Variants in TCF7L1 observed in about 807,000 individuals in gnomAD.
TCF7L1 encodes the protein transcription factor 7-like 1.
In TCF7L1, 18 loss-of-function variants were observed where a neutral mutation model predicts 63.7. The ratio of observed to expected loss-of-function variants is 0.28; its 90% CI spans 0.20 to 0.42. The LOEUF (loss-of-function observed/expected upper bound fraction) is 0.42. Ranked by LOEUF, TCF7L1 falls within the 10% of genes least tolerant of loss-of-function variation. The pLI is 1.00. For synonymous variants in TCF7L1, 355 were observed against 340.9 expected, an observed-to-expected ratio of 1.04 and a Z score of -0.46; for missense variants, 654 against 779.3, an observed-to-expected ratio of 0.84 and a Z score of 1.91.
At position 85,289,965 on chromosome 2, in the gene TCF7L1, C is replaced by T. The variant is rs979197651; in HGVS notation, c.525+6387C>T. On this transcript the variant is annotated intron_variant, in intron 4 of 11. Coordinates refer to ENST00000282111, the MANE Select transcript of TCF7L1 (RefSeq NM_031283.3). Reference sequence around the variant, plus strand: ...CTGGGATTACAGGCACGAGCCACCACGCCTAGCCCAGTTTTTTTTTTTTTT... The same window carrying T: ...CTGGGATTACAGGCACGAGCCACCATGCCTAGCCCAGTTTTTTTTTTTTTT... 2.6e-4 allele frequency among the ~76,000 whole-genome samples: 37 copies of T among 141,108 alleles called. No individual in the cohort carries two copies. In the East Asian group the frequency reaches 4.2e-3, roughly 16 times the overall value. The allele number at this position is 141,108 out of a possible 152,430, so 92.6% of individuals were successfully genotyped here.
At chr2:85,259,197 G>T (rs914922742) in intron 3 of TCF7L1, among the ~76,000 whole-genome samples, 4 of 152,208 alleles carry the variant, frequency 2.6e-5, no homozygotes, top group South Asian at 2.1e-4. Context: ...CGGCCGAGCC[G>T]CTGCAGACTG....
intron 3 of TCF7L1, among the ~76,000 whole-genome samples, chr2:85,184,297 A>G (rs948642679): frequency 5.9e-5 from 9 of 152,172 alleles, no homozygotes; most frequent in African/African-American, 2.2e-4. Context: ...GCAGATGGGC[A>G]GTGAGGCGGG....
intron 3 of TCF7L1, among the ~76,000 whole-genome samples, chr2:85,259,830 T>C (rs147851732): frequency 6.6e-6 from 1 of 152,062 alleles, no homozygotes; most frequent in African/African-American, 2.4e-5. Flanking sequence ...GGATGTTGAA[T>C]GAGGAAAGGA....
intron 3 of TCF7L1, among the ~76,000 whole-genome samples, chr2:85,135,051 T>C (rs1432014383): frequency 6.6e-6 from 1 of 152,152 alleles, no homozygotes; most frequent in Non-Finnish European, 1.5e-5. Context: ...CTTGGCTTTT[T>C]CCCCCTTTTG....
intron 3 of TCF7L1, among the ~76,000 whole-genome samples, chr2:85,181,549 C>T (rs923651215): frequency 6.6e-6 from 1 of 152,204 alleles, no homozygotes; most frequent in Non-Finnish European, 1.5e-5. Flanking sequence ...ACACAGGGAA[C>T]CCCAGGCAGC....
intron 3 of TCF7L1, among the ~76,000 whole-genome samples, chr2:85,184,268 G>A (rs1475815256): frequency 6.6e-6 from 1 of 152,172 alleles, no homozygotes. Flanking sequence ...GTGAGCAGGA[G>A]GAGAGGACGC....
chr2:85,138,504 T>A (rs1010512736), intron 3 of TCF7L1, among the ~76,000 whole-genome samples: 5 of 152,362 alleles, frequency 3.3e-5, no homozygotes, highest in Non-Finnish European at 7.3e-5. Flanking sequence ...CTGTTTCATT[T>A]TTTTTTCTAA....
intron 3 of TCF7L1, among the ~76,000 whole-genome samples, chr2:85,172,816 T>TA (rs2104238378): frequency 6.6e-6 from 1 of 152,162 alleles, no homozygotes; most frequent in East Asian, 1.9e-4. Flanking sequence ...CAGTGAGGCC[T>TA]CCCCTGACCA....
chr2:85,287,154 G>A (rs77686947), intron 4 of TCF7L1, among the ~76,000 whole-genome samples: 44 of 152,218 alleles, frequency 2.9e-4, no homozygotes, highest in African/African-American at 1.0e-3. Flanking sequence ...TAGCGCTTCA[G>A]TCACCATCGA....
intron 3 of TCF7L1, among the ~76,000 whole-genome samples, chr2:85,227,438 C>CT (rs562921251): frequency 0.059 from 8,356 of 141,556 alleles, 257 homozygotes; most frequent in Non-Finnish European, 0.082. Flanking sequence ...AATACCCCCT[C>CT]TTTTTTTTTT....
intron 3 of TCF7L1, among the ~76,000 whole-genome samples, chr2:85,165,617 G>C (rs1425847481): frequency 1.3e-5 from 2 of 152,216 alleles, no homozygotes; most frequent in Non-Finnish European, 2.9e-5. Flanking sequence ...TAAAGCTGGG[G>C]TTGGAAGACC....
chr2:85,267,074 C>T (rs1450680763), intron 3 of TCF7L1, among the ~76,000 whole-genome samples: 4 of 152,218 alleles, frequency 2.6e-5, no homozygotes, highest in Admixed American at 6.5e-5. Context: ...GGTGTGGTGG[C>T]TCATGCCTGT....
At chr2:85,227,318 G>T (rs1010187754) in intron 3 of TCF7L1, among the ~76,000 whole-genome samples, 1 of 152,160 alleles carries the variant, frequency 6.6e-6, no homozygotes, top group Middle Eastern at 3.4e-3. Flanking sequence ...AGGCCTTGGC[G>T]ACCTGTTCTT....
At chr2:85,142,361 T>A (rs1677756123) in intron 3 of TCF7L1, among the ~76,000 whole-genome samples, 1 of 150,340 alleles carries the variant, frequency 6.7e-6, no homozygotes, top group African/African-American at 2.5e-5. Context: ...GAGGTTGTAG[T>A]GAGCCATGAT....
chr2:85,276,786 G>A (rs1384383842), intron 3 of TCF7L1, among the ~76,000 whole-genome samples: 1 of 152,172 alleles, frequency 6.6e-6, no homozygotes, highest in Non-Finnish European at 1.5e-5. Flanking sequence ...GGTGCAGCAT[G>A]ACCCTTGAGG....
intron 3 of TCF7L1, among the ~76,000 whole-genome samples, chr2:85,259,627 C>CT (rs1488478537): frequency 6.6e-6 from 1 of 152,174 alleles, no homozygotes; most frequent in Non-Finnish European, 1.5e-5. Flanking sequence ...ATAATGGAGA[C>CT]TGAAAAAATG....
chr2:85,148,615 A>G (rs1327881457), intron 3 of TCF7L1, among the ~76,000 whole-genome samples: 1 of 152,184 alleles, frequency 6.6e-6, no homozygotes, highest in African/African-American at 2.4e-5. Context: ...TCGAGGCTGA[A>G]ATGAAATATC....
intron 3 of TCF7L1, among the ~76,000 whole-genome samples, chr2:85,253,865 A>G (rs1346665969): frequency 6.6e-6 from 1 of 152,384 alleles, no homozygotes; most frequent in African/African-American, 2.4e-5. Flanking sequence ...CTTTAGATCA[A>G]GGTAACAACT....
chr2:85,213,509 G>A (rs1185900146), intron 3 of TCF7L1: 1 of 152,182 alleles, frequency 6.6e-6, no homozygotes, highest in African/African-American at 2.4e-5. Flanking sequence ...ATACTTGAAT[G>A]AGAGTGAAAA....
Sources: allele counts gnomAD v4.1 joint callset (sites outside exome capture counted in the v4.1 genomes callset), GRCh38; gene constraint gnomAD v4.1.1; transcripts MANE v1.5; gene names NCBI Gene and HGNC (gene_info 2026-07-23, HGNC 2026-07-21).